The following KLHL22 variants were observed in gnomAD, a reference collection of about 807,000 sequenced individuals.
The protein encoded by KLHL22 is kelch like family member 22.
In KLHL22, 18 loss-of-function variants were observed where a neutral mutation model predicts 60.7. That is an observed-to-expected ratio of 0.30 (90% CI 0.20 to 0.44). The LOEUF (loss-of-function observed/expected upper bound fraction) is 0.44, where lower values mean the gene tolerates loss of function less well. KLHL22 is among the 20% of genes least tolerant of loss of function. The pLI is 1.00. For synonymous variants in KLHL22, 355 were observed against 354.5 expected, an observed-to-expected ratio of 1.00 and a Z score of -0.01; for missense variants, 596 against 852.3, an observed-to-expected ratio of 0.70 and a Z score of 3.74.
At chr22:20,490,632 T>G (rs1356372563) in intron 1 of KLHL22, among the ~76,000 whole-genome samples, 1 of 152,210 alleles carries the variant, frequency 6.6e-6, no homozygotes, top group Non-Finnish European at 1.5e-5. Flanking sequence ...AAGACAATTT[T>G]TCCACGGGGT....
At chr22:20,486,739 T>G (rs2053592542) in intron 2 of KLHL22, among the ~76,000 whole-genome samples, 1 of 151,766 alleles carries the variant, frequency 6.6e-6, no homozygotes, top group Admixed American at 6.6e-5. Flanking sequence ...TGGAATGCAG[T>G]GGCGCAATCT....
intron 5 of KLHL22, among the ~76,000 whole-genome samples, chr22:20,449,543 G>C (rs2052939912): frequency 6.6e-6 from 1 of 152,036 alleles, no homozygotes; most frequent in Non-Finnish European, 1.5e-5. Context: ...TGGGATTACA[G>C]GCGTGTGCCA....
At chr22:20,483,074 A>G in intron 2 of KLHL22, 1 of 659,068 alleles carries the variant, frequency 1.5e-6, no homozygotes. Flanking sequence ...CTCTGACTCC[A>G]GGTGCAGCAG....
intron 5 of KLHL22, chr22:20,451,967 T>C: frequency 1.4e-6 from 1 of 730,020 alleles, no homozygotes. Flanking sequence ...TTGTACTTAT[T>C]TGACACATAC....
At chr22:20,443,212 T>C (rs138865983) in intron 6 of KLHL22, among the ~76,000 whole-genome samples, 145 of 152,334 alleles carry the variant, frequency 9.5e-4, no homozygotes, top group African/African-American at 3.3e-3. Context: ...TCTTACCTTC[T>C]TGACTGATTA....
chr22:20,489,681 A>T (rs750147632), intron 1 of KLHL22: 1 of 471,148 alleles, frequency 2.1e-6, no homozygotes, highest in African/African-American at 2.0e-5. Flanking sequence ...AGCACACACC[A>T]GGTTCTCAAG....
In KLHL22 at chr22:20,452,237, A is replaced by G. The variant is rs546878123; in HGVS notation, c.1306-5561T>C. On this transcript the variant is annotated intron_variant, in intron 5 of 6. Coordinates refer to ENST00000328879, the MANE Select transcript of KLHL22 (RefSeq NM_032775.4). ...AGATGATTGGAAAGATACCAATTTA[A>G]GTAAACTTGGTAAAATCCAAGTCTT... 2.0e-5 allele frequency among the ~76,000 whole-genome samples: 3 copies of G among 151,888 alleles called. No individual in the cohort carries two copies. The East Asian group carries it at 5.8e-4, about 29-fold the overall frequency.
intron 2 of KLHL22, among the ~76,000 whole-genome samples, chr22:20,474,526 G>C (rs1800217861): frequency 6.6e-6 from 1 of 152,082 alleles, no homozygotes; most frequent in African/African-American, 2.4e-5. Flanking sequence ...CGGGTAGCTG[G>C]GATTACAGTC....
Position 20,495,614 on chromosome 22 carries a change from C to T in KLHL22, c.-34+146G>A, listed in dbSNP as rs1320538762. 1 of 150,904 alleles carries T rather than the reference C, an allele frequency of 6.6e-6. No individual in the cohort carries two copies. Among genetic ancestry groups the T allele is most frequent in the Non-Finnish European group, 1.5e-5 (1 of 67,278 alleles). 9.3% of individuals were successfully genotyped at this position (150,904 alleles called of 1,614,324 possible). A position where few individuals can be genotyped will look rare whatever the true frequency, so the allele number is the denominator to read the frequency against. The stretch of plus-strand genomic sequence containing the variant: ...AGGCCGCGGGCTCTCCTCAGGTCGC[C>T]GCCCCCGAGCCTCCGGCCCGCGCCC... On this transcript the variant is annotated intron_variant, in intron 1 of 6. Coordinates refer to ENST00000328879, the MANE Select transcript of KLHL22 (RefSeq NM_032775.4). The surrounding 1 kb of genome is among the most constrained non-coding windows in gnomAD (Gnocchi z 4.6).
chr22:20,483,548 T>G (rs2053539047), intron 2 of KLHL22: 1 of 724,948 alleles, frequency 1.4e-6, no homozygotes, highest in Non-Finnish European at 2.6e-6. Flanking sequence ...TCAATCACTT[T>G]GCGAAGCCCA....
intron 1 of KLHL22, chr22:20,492,003 C>A (rs928923675): frequency 1.3e-5 from 2 of 152,226 alleles, no homozygotes; most frequent in African/African-American, 4.8e-5. Context: ...ACTTAGGATT[C>A]TCTTGCCTGG....
At chr22:20,492,247 G>C (rs926316199) in intron 1 of KLHL22, among the ~76,000 whole-genome samples, 17 of 151,930 alleles carry the variant, frequency 1.1e-4, no homozygotes, top group African/African-American at 4.1e-4. Flanking sequence ...TGTGCCCTAT[G>C]AACCTACTAG....
chr22:20,451,640 C>T lies in KLHL22; in HGVS notation c.1306-4964G>A. ...CGGACAACTGCCACCAGTATGACCACTCCACGATGCTATGTAGGGGCCACA... is the reference window on the plus strand; with the variant it reads ...CGGACAACTGCCACCAGTATGACCATTCCACGATGCTATGTAGGGGCCACA... On this transcript the variant is annotated intron_variant, in intron 5 of 6. Coordinates refer to ENST00000328879, the MANE Select transcript of KLHL22 (RefSeq NM_032775.4). 3 of 1,605,938 alleles carry T rather than the reference C, an allele frequency of 1.9e-6. No individual in the cohort carries two copies. In the Admixed American group the frequency reaches 5.0e-5, roughly 27 times the overall value.
chr22:20,477,750 T>C (rs11914248), intron 2 of KLHL22, among the ~76,000 whole-genome samples: 29,011 of 152,186 alleles, frequency 0.19, 3,601 homozygotes, highest in Non-Finnish European at 0.28. Context: ...TACACATTTC[T>C]TTTTCATTTT....
At chr22:20,482,551 TTA>T (rs1372685527) in intron 2 of KLHL22, among the ~76,000 whole-genome samples, 1 of 151,920 alleles carries the variant, frequency 6.6e-6, no homozygotes, top group Non-Finnish European at 1.5e-5. Flanking sequence ...CCTGGCTAAT[TTA>T]TGTTTTGTTT....
At chr22:20,482,764 G>A in intron 2 of KLHL22, 2 of 848,988 alleles carry the variant, frequency 2.4e-6, no homozygotes. Context: ...TTTGACCTCT[G>A]AACTTTTTAT....
At chr22:20,451,685 A>G (rs1197334356) in intron 5 of KLHL22, 11 of 1,601,586 alleles carry the variant, frequency 6.9e-6, no homozygotes, top group African/African-American at 1.3e-5. Context: ...GGGAGACTCT[A>G]TGCAATTGCA....
chr22:20,470,827 G>GATGGATGGATGGATGC (rs1423348774), intron 3 of KLHL22, among the ~76,000 whole-genome samples: 2 of 142,554 alleles, frequency 1.4e-5, no homozygotes, highest in African/African-American at 3.0e-5. Context: ...TGGATGGATG[G>GATGGATGGATGGATGC]ATGCATGCAT....
chr22:20,474,201 G>A (rs766590416), intron 2 of KLHL22, among the ~76,000 whole-genome samples: 1 of 151,860 alleles, frequency 6.6e-6, no homozygotes. Flanking sequence ...GGGTTTCACC[G>A]TGTTAGCCAG....
Sources: gnomAD v4.1 joint callset for allele counts (sites outside exome capture counted in the v4.1 genomes callset) on GRCh38, gnomAD v4.1.1 for gene constraint, Gnocchi (gnomAD v3.1) non-coding constraint, MANE v1.5 for transcripts, NCBI Gene and HGNC (gene_info 2026-07-23, HGNC 2026-07-21) for gene names.